Variants in SLC17A1 observed in about 807,000 individuals in gnomAD.
SLC17A1 encodes sodium-dependent phosphate transport protein 1.
In SLC17A1, 51 loss-of-function variants were observed where a neutral mutation model predicts 53.5. The observed-to-expected ratio is 0.95, with a 90% CI of 0.76 to 1.20. The LOEUF (loss-of-function observed/expected upper bound fraction) is 1.20, where lower values mean the gene tolerates loss of function less well. Among genes scored for constraint, SLC17A1 ranks in the 50% most tolerant of loss-of-function variants. The probability of loss-of-function intolerance (pLI) is 0.00; values close to 1 mark genes in which losing one functional copy is unlikely to be tolerated. For missense variants in SLC17A1, 538 were observed against 568.2 expected (o/e 0.95, Z 0.54); for synonymous variants, 179 against 198.8 (o/e 0.90, Z 0.84).
the SLC17A1 span, among the ~76,000 whole-genome samples, chr6:25,742,522 A>AC: frequency 1.3e-5 from 2 of 151,740 alleles, no homozygotes; most frequent in African/African-American, 2.4e-5. Flanking sequence ...CAAAAAAAAA[A>AC]AAAAACAGAT....
intron 6 of SLC17A1, among the ~76,000 whole-genome samples, chr6:25,815,999 G>A (rs1199664252): frequency 6.6e-6 from 1 of 150,528 alleles, no homozygotes; most frequent in African/African-American, 2.5e-5. Context: ...CCCCAAGCTA[G>A]CTTTGGAATA....
rs1215023978 is a variant in SLC17A1, at chr6:25,813,084, C to G, written c.735+11G>C. The G allele has an allele frequency of 6.2e-7, 1 of 1,612,514 alleles. No individual in the cohort carries two copies. ...ATCTGGGAGATGCCAATATGGAGAA[C>G]TGTGTTCTACCTGCTGGACCAGGGA... is the stretch of plus-strand genomic sequence containing the variant. On this transcript the variant is annotated intron_variant, in intron 7 of 12. Coordinates refer to ENST00000244527, the MANE Select transcript of SLC17A1 (RefSeq NM_005074.5).
chr6:25,763,027 C>T, the SLC17A1 span, among the ~76,000 whole-genome samples: 1 of 152,170 alleles, frequency 6.6e-6, no homozygotes, highest in Admixed American at 6.5e-5. Flanking sequence ...CTTGAGTTTC[C>T]AATCCTGATT....
intron 6 of SLC17A1, among the ~76,000 whole-genome samples, chr6:25,817,636 T>A (rs1404753420): frequency 1.3e-5 from 2 of 152,216 alleles, no homozygotes; most frequent in Admixed American, 6.5e-5. Flanking sequence ...AAATATTAGA[T>A]GTCATTCAAC....
In SLC17A1 at chr6:25,819,876, T is replaced by TCCAG; in HGVS notation, c.246_247insCTGG (p.Ile83LeufsTer75). 1 of 1,613,616 alleles carries TCCAG rather than the reference T, an allele frequency of 6.2e-7. No individual in the cohort carries two copies. Among genetic ancestry groups the TCCAG allele is most frequent in the Non-Finnish European group, 8.5e-7 (1 of 1,179,756 alleles). The stretch of plus-strand genomic sequence containing the variant: ...ACACCATAGGAGGTGGAACTCAAGA[T>TCCAG]GATTCCCTGGATATCTGGGCTCCAA... On this transcript the variant is annotated frameshift_variant, in exon 4 of 13. Transcript: ENST00000244527. LOFTEE classifies it high-confidence loss of function.
chr6:25,738,129 T>C, the SLC17A1 span, among the ~76,000 whole-genome samples: 1 of 152,166 alleles, frequency 6.6e-6, no homozygotes, highest in Non-Finnish European at 1.5e-5. Flanking sequence ...CATCTAAAAC[T>C]ATTTTGAAAA....
At chr6:25,765,197 T>TA in the SLC17A1 span, among the ~76,000 whole-genome samples, 5 of 152,270 alleles carry the variant, frequency 3.3e-5, no homozygotes, top group African/African-American at 9.6e-5. Context: ...ATGTGTTAGA[T>TA]AAAAAAAGAA....
the SLC17A1 span, chr6:25,770,899 C>G: frequency 6.9e-6 from 11 of 1,589,154 alleles, no homozygotes; most frequent in Admixed American, 6.7e-5. Flanking sequence ...TCCTCTCACC[C>G]AGAACATCCT....
At chr6:25,726,061 G>T in the SLC17A1 span, 119 of 1,357,370 alleles carry the variant, frequency 8.8e-5, no homozygotes, top group Middle Eastern at 1.9e-4. Flanking sequence ...TTTCTGAGAC[G>T]GTAGGTGGCT....
downstream of SLC17A1, chr6:25,779,349 A>G (rs1763193257): frequency 4.4e-6 from 4 of 904,482 alleles, no homozygotes; most frequent in Admixed American, 8.9e-5. Context: ...AGGGGAAGAA[A>G]ACACGCTAGT....
the SLC17A1 span, among the ~76,000 whole-genome samples, chr6:25,723,762 G>A: frequency 6.6e-6 from 1 of 152,170 alleles, no homozygotes. Context: ...CTGAGATCAG[G>A]CCACTGCACT....
intron 12 of SLC17A1, among the ~76,000 whole-genome samples, chr6:25,790,041 A>G (rs1232625065): frequency 2.6e-5 from 4 of 152,152 alleles, no homozygotes; most frequent in African/African-American, 9.7e-5. Flanking sequence ...GTTAAGGAAA[A>G]AAAGCTCTTT....
chr6:25,731,787 T>C, the SLC17A1 span: 5 of 1,585,714 alleles, frequency 3.2e-6, no homozygotes, highest in Admixed American at 8.7e-5. Flanking sequence ...CATGTTTTAC[T>C]TGGAGCTAGT....
chr6:25,810,128 A>G (rs1415440432), intron 10 of SLC17A1, among the ~76,000 whole-genome samples: 1 of 152,144 alleles, frequency 6.6e-6, no homozygotes, highest in Non-Finnish European at 1.5e-5. Context: ...TGGATTAAAG[A>G]CTTAAACATA....
the SLC17A1 span, among the ~76,000 whole-genome samples, chr6:25,769,456 G>A: frequency 1.3e-5 from 2 of 152,014 alleles, no homozygotes; most frequent in African/African-American, 4.8e-5. Context: ...TACTCTGGAG[G>A]CTGAGACAGA....
At chr6:25,784,464 A>G (rs1763336007) in intron 12 of SLC17A1, among the ~76,000 whole-genome samples, 1 of 152,160 alleles carries the variant, frequency 6.6e-6, no homozygotes, top group African/African-American at 2.4e-5. Flanking sequence ...ACATGGTGAG[A>G]GCAGGGGCAA....
At chr6:25,831,060 T>A (rs1215018744) in intron 1 of SLC17A1, among the ~76,000 whole-genome samples, 5 of 152,128 alleles carry the variant, frequency 3.3e-5, no homozygotes, top group Non-Finnish European at 5.9e-5. Flanking sequence ...TCCCCCTGTA[T>A]CTTAATAGAG....
chr6:25,815,781 CT>C (rs1035877249), intron 6 of SLC17A1, among the ~76,000 whole-genome samples: 2 of 152,064 alleles, frequency 1.3e-5, no homozygotes, highest in African/African-American at 2.4e-5. Context: ...AAAACATGCC[CT>C]TTTTGGTCAC....
chr6:25,797,427 G>T (rs1295163900), intron 12 of SLC17A1, among the ~76,000 whole-genome samples: 1 of 152,088 alleles, frequency 6.6e-6, no homozygotes, highest in East Asian at 1.9e-4. Flanking sequence ...TCTTCAAATG[G>T]TCACTCCCTG....
Sources: allele counts gnomAD v4.1 joint callset (sites outside exome capture counted in the v4.1 genomes callset), GRCh38; gene constraint gnomAD v4.1.1; transcripts MANE v1.5; gene names NCBI Gene and HGNC (gene_info 2026-07-23, HGNC 2026-07-21).